PTPRG: variants seen among roughly 807,000 people sequenced by gnomAD.
The protein encoded by PTPRG is receptor-type tyrosine-protein phosphatase gamma.
A neutral mutation model predicts 165.3 loss-of-function variants in PTPRG; 102 were observed. The ratio of observed to expected loss-of-function variants is 0.62; its 90% CI spans 0.53 to 0.73. The LOEUF is 0.73. PTPRG is among the 30% of genes least tolerant of loss of function. PTPRG has a pLI of 0.00. For missense variants in PTPRG, 1,866 were observed against 1,861.4 expected, an observed-to-expected ratio of 1.00 and a Z score of -0.05; for synonymous variants, 675 against 669.5, an observed-to-expected ratio of 1.01 and a Z score of -0.13.
At chr3:62,052,757 A>G (rs991817379) in intron 4 of PTPRG, among the ~76,000 whole-genome samples, 1 of 152,204 alleles carries the variant, frequency 6.6e-6, no homozygotes, top group African/African-American at 2.4e-5. Flanking sequence ...ATTCTGGTAC[A>G]TTTGGTTAGC....
At chr3:62,080,154 G>A (rs909753748) in intron 5 of PTPRG, among the ~76,000 whole-genome samples, 6 of 143,322 alleles carry the variant, frequency 4.2e-5, no homozygotes, top group Admixed American at 1.5e-4. Context: ...CACAACCTCC[G>A]CCTCCCGGGT....
chr3:62,088,041 A>G (rs1476504131), intron 5 of PTPRG, among the ~76,000 whole-genome samples: 2 of 152,214 alleles, frequency 1.3e-5, no homozygotes, highest in Non-Finnish European at 2.9e-5. Context: ...TGAATGGGGT[A>G]AAGATTTGAA....
At chr3:62,226,836 C>T (rs1700774324) in intron 13 of PTPRG, among the ~76,000 whole-genome samples, 1 of 152,158 alleles carries the variant, frequency 6.6e-6, no homozygotes, top group African/African-American at 2.4e-5. Flanking sequence ...GCCACATATG[C>T]AAATAGGAAA....
intron 7 of PTPRG, among the ~76,000 whole-genome samples, chr3:62,167,172 GACA>G (rs1349828894): frequency 6.6e-6 from 1 of 152,192 alleles, no homozygotes; most frequent in East Asian, 1.9e-4. Flanking sequence ...TAATACTTCT[GACA>G]ACTTTATAAG....
intron 4 of PTPRG, among the ~76,000 whole-genome samples, chr3:62,029,137 T>A (rs929838715): frequency 1.3e-5 from 2 of 152,120 alleles, no homozygotes; most frequent in Admixed American, 6.6e-5. Flanking sequence ...TCACACACAC[T>A]AAGAATGTGT....
At chr3:62,212,294 A>G (rs1401192651) in intron 12 of PTPRG, among the ~76,000 whole-genome samples, 3 of 152,144 alleles carry the variant, frequency 2.0e-5, no homozygotes, top group Non-Finnish European at 4.4e-5. Context: ...CCTCATTGTC[A>G]TCTTTTCTAC....
chr3:62,071,068 C>T (rs1389916071), intron 4 of PTPRG, among the ~76,000 whole-genome samples: 1 of 152,104 alleles, frequency 6.6e-6, no homozygotes, highest in African/African-American at 2.4e-5. Context: ...GTTTACGTCT[C>T]ATCTCCATCT....
chr3:61,922,495 T>C (rs1483167680), intron 2 of PTPRG, among the ~76,000 whole-genome samples: 1 of 152,218 alleles, frequency 6.6e-6, no homozygotes, highest in Non-Finnish European at 1.5e-5. Context: ...TGTGTGTGTG[T>C]ACGCTTGTGC....
intron 1 of PTPRG, among the ~76,000 whole-genome samples, chr3:61,656,308 C>T (rs1559543095): frequency 6.6e-6 from 1 of 152,064 alleles, no homozygotes; most frequent in Non-Finnish European, 1.5e-5. Context: ...TCATTTGATG[C>T]AGAAGGTGAG....
chr3:62,053,841 T>A (rs947263224), intron 4 of PTPRG, among the ~76,000 whole-genome samples: 3 of 152,208 alleles, frequency 2.0e-5, no homozygotes, highest in Admixed American at 6.5e-5. Flanking sequence ...GCTGGTTAGA[T>A]AATTTGACTT....
chr3:62,238,667 C>A (rs1200065416), intron 14 of PTPRG, among the ~76,000 whole-genome samples: 1 of 152,092 alleles, frequency 6.6e-6, no homozygotes, highest in East Asian at 1.9e-4. Context: ...CTGTTAGAAT[C>A]ATCATGAATG....
intron 16 of PTPRG, among the ~76,000 whole-genome samples, chr3:62,258,552 GA>G (rs1701603656): frequency 6.6e-6 from 1 of 152,146 alleles, no homozygotes; most frequent in Non-Finnish European, 1.5e-5. Context: ...AAACATCTCG[GA>G]AGTAAAAAAA....
chr3:61,805,166 G>C (rs2035374245), intron 2 of PTPRG, among the ~76,000 whole-genome samples: 1 of 151,994 alleles, frequency 6.6e-6, no homozygotes, highest in African/African-American at 2.4e-5. Flanking sequence ...CTCAATTTGG[G>C]GCTATTTTAC....
chr3:61,797,198 C>T (rs2035075914), intron 2 of PTPRG, among the ~76,000 whole-genome samples: 1 of 152,210 alleles, frequency 6.6e-6, no homozygotes, highest in Non-Finnish European at 1.5e-5. Flanking sequence ...TCTAGCTCCC[C>T]TTAAGGATTA....
intron 2 of PTPRG, among the ~76,000 whole-genome samples, chr3:61,834,259 C>A (rs2036395386): frequency 6.6e-6 from 1 of 152,120 alleles, no homozygotes; most frequent in Admixed American, 6.5e-5. Context: ...GTCTCAGAAT[C>A]ATCTGGAATA....
chr3:62,177,120 A>T (rs998265899), intron 8 of PTPRG, among the ~76,000 whole-genome samples: 2 of 151,426 alleles, frequency 1.3e-5, no homozygotes, highest in African/African-American at 2.4e-5. Flanking sequence ...AAAAAAATTT[A>T]TCTTTTTTTT....
chr3:62,254,372 C>T lies in PTPRG; in HGVS notation c.2468-752C>T, dbSNP rs1406375640. On this transcript the variant is annotated intron_variant, in intron 15 of 29. Coordinates refer to ENST00000474889, the MANE Select transcript of PTPRG (RefSeq NM_002841.4). This position sits in a 1 kb window ranked among gnomAD's most constrained non-coding sequence, Gnocchi z 4.6. ...TGGGTGTGGCTATTTTATAGCAGTA[C>T]TCAAGTATCATGATAAATAAGCTTA... Among the ~76,000 whole-genome samples the T allele has an allele frequency of 6.6e-6, 1 of 152,066 alleles. No homozygotes were observed. The highest frequency in any genetic ancestry group is 1.5e-5 in the Non-Finnish European group (1 of 68,014).
chr3:62,181,595 C>T (rs902190880), intron 8 of PTPRG, among the ~76,000 whole-genome samples: 3 of 152,138 alleles, frequency 2.0e-5, no homozygotes, highest in Admixed American at 2.0e-4. Flanking sequence ...CCTTAAAAAG[C>T]GTGTAATTAT....
At chr3:61,924,108 T>C (rs1275038916) in intron 2 of PTPRG, among the ~76,000 whole-genome samples, 1 of 152,190 alleles carries the variant, frequency 6.6e-6, no homozygotes, top group African/African-American at 2.4e-5. Context: ...TATTCAAAAT[T>C]TATGTTTCCT....
Sources: allele counts gnomAD v4.1 joint callset (sites outside exome capture counted in the v4.1 genomes callset), GRCh38; gene constraint gnomAD v4.1.1; non-coding constraint Gnocchi (gnomAD v3.1); transcripts MANE v1.5; gene names NCBI Gene and HGNC (gene_info 2026-07-23, HGNC 2026-07-21).